Variants in NUP205 observed in about 807,000 individuals in gnomAD.
NUP205 encodes the protein nuclear pore complex protein Nup205.
A neutral mutation model predicts 253.8 loss-of-function variants in NUP205; 76 were observed. The ratio of observed to expected loss-of-function variants is 0.30; its 90% CI spans 0.25 to 0.36. The LOEUF is 0.36. NUP205 is among the 10% of genes least tolerant of loss of function. The pLI is 1.00. For synonymous variants in NUP205, 832 were observed against 850.1 expected (o/e 0.98, Z 0.37); for missense variants, 2,162 against 2,425.5 (o/e 0.89, Z 2.28).
intron 38 of NUP205, among the ~76,000 whole-genome samples, chr7:135,640,950 A>G (rs1022339572): frequency 6.6e-6 from 1 of 152,134 alleles, no homozygotes; most frequent in African/African-American, 2.4e-5. Context: ...CTGTAATCCC[A>G]GTTACTCAGG....
At chr7:135,567,128 GTATATATATATATATATATATA>G (rs1163648935) in intron 1 of NUP205, among the ~76,000 whole-genome samples, 6 of 7,228 alleles carry the variant, frequency 8.3e-4, no homozygotes, top group African/African-American at 2.9e-3. Context: ...GTCTATGTGT[GTATATATATATATATATATATA>G]TATATATATA....
intron 15 of NUP205, among the ~76,000 whole-genome samples, chr7:135,599,061 TGA>T (rs1793910228): frequency 1.3e-5 from 2 of 152,218 alleles, no homozygotes; most frequent in African/African-American, 2.4e-5. Context: ...TATATATATA[TGA>T]AGAAATTATA....
rs76245965 is a variant in NUP205 at position 135,589,979 on chromosome 7, C to G, written c.1474-1471C>G. Among the ~76,000 whole-genome samples, 470 of 151,074 alleles carry G rather than the reference C, an allele frequency of 3.1e-3. 15 individuals are homozygous for G. In the East Asian group the frequency reaches 0.052, roughly 17 times the overall value. ...AAAATTTTTAAAGTTTTTAAGAAAG[C>G]TAGCAGTAATGAAAAATTTGAAACA... On this transcript the variant is annotated intron_variant, in intron 10 of 42. Transcript: ENST00000285968.
chr7:135,635,124 A>G (rs1326950416), intron 35 of NUP205, among the ~76,000 whole-genome samples: 1 of 152,210 alleles, frequency 6.6e-6, no homozygotes, highest in Non-Finnish European at 1.5e-5. Context: ...AACGGGTCCA[A>G]ACTAAGAAGT....
chr7:135,616,562 G>T (rs768597992), intron 24 of NUP205, 93 bp from the exon 25 acceptor site: 50 of 671,550 alleles, frequency 7.4e-5, no homozygotes, highest in Non-Finnish European at 1.1e-4. Flanking sequence ...CAATGACCTA[G>T]AAATAAGATA....
intron 13 of NUP205, among the ~76,000 whole-genome samples, chr7:135,595,623 G>C (rs1352332618): frequency 6.6e-6 from 1 of 152,126 alleles, no homozygotes; most frequent in African/African-American, 2.4e-5. Context: ...ATGGGAATGT[G>C]ACAGTTGGAT....
intron 1 of NUP205, among the ~76,000 whole-genome samples, chr7:135,568,148 A>C (rs1019406651): frequency 1.3e-5 from 2 of 151,962 alleles, no homozygotes; most frequent in African/African-American, 4.8e-5. Flanking sequence ...ACTTGAACTC[A>C]GGAGGTGAAA....
rs755778833 is a variant in NUP205, at chr7:135,617,174, G to A, written c.3617G>A (p.Arg1206Gln). The A allele has an allele frequency of 3.0e-5, 48 of 1,613,414 alleles. No homozygotes were observed. Among genetic ancestry groups the A allele is most frequent in the Admixed American group, 2.5e-4 (15 of 59,950 alleles). The change falls in exon 26 of 43, where the codon CGG becomes CAG. Residue 1206 changes from arginine to glutamine, a missense_variant. This residue lies in a region of NUP205 where 1,144 missense variants were observed against 1,280.9 expected (regional missense o/e 0.89). Transcript: ENST00000285968. ...CCTTTGCAGTTGGATTTTTTTGATCGGGCCCAGATTGAACAAGTTATTGCT... is the reference window on the plus strand; with the variant it reads ...CCTTTGCAGTTGGATTTTTTTGATCAGGCCCAGATTGAACAAGTTATTGCT... The part of the protein sequence containing the change: ...PEPLQLDFFD[R>Q]AQIEQVIANC...
chr7:135,647,793 CAGGT>C (rs1795037769), intron 42 of NUP205, among the ~76,000 whole-genome samples: 1 of 147,086 alleles, frequency 6.8e-6, no homozygotes, highest in Non-Finnish European at 1.5e-5. Flanking sequence ...AAACTGAAAA[CAGGT>C]AGATTGATCT....
chr7:135,599,835 G>A (rs765194618), intron 15 of NUP205, among the ~76,000 whole-genome samples: 3 of 152,024 alleles, frequency 2.0e-5, no homozygotes, highest in Non-Finnish European at 4.4e-5. Flanking sequence ...GACTATTTTA[G>A]GACACTAGCT....
chr7:135,580,729 C>T (rs1806281624), intron 7 of NUP205, among the ~76,000 whole-genome samples: 1 of 152,122 alleles, frequency 6.6e-6, no homozygotes, highest in Non-Finnish European at 1.5e-5. Flanking sequence ...TCCCAAAGTG[C>T]TGGGATTACA....
intron 22 of NUP205, among the ~76,000 whole-genome samples, chr7:135,612,890 CTT>C (rs924170114): frequency 6.6e-6 from 1 of 152,128 alleles, no homozygotes; most frequent in African/African-American, 2.4e-5. Context: ...ATAAACATGT[CTT>C]AAAGTGCCTG....
At position 135,573,746 on chromosome 7, in the gene NUP205, A is replaced by G. The variant is rs758103052; in HGVS notation, c.264A>G (p.Glu88=). Residue 88 remains glutamate (E), a synonymous_variant, in exon 3 of 43, where the codon GAA becomes GAG. Coordinates refer to ENST00000285968, the MANE Select transcript of NUP205 (RefSeq NM_015135.3). The part of the protein sequence containing the change: ...QGQQGTRLLP[E]QLIKEAFILS... ...AACAGGGAACTCGACTTCTTCCTGA[A>G]CAGCTCATTAAAGAAGCCTTTATTC... is the stretch of plus-strand genomic sequence containing the variant. 26 of 1,613,926 alleles carry G rather than the reference A, an allele frequency of 1.6e-5. No homozygotes were observed. The highest frequency in any genetic ancestry group is 1.3e-4 in the South Asian group (12 of 91,086).
At chr7:135,589,594 C>T (rs1806568471) in intron 10 of NUP205, among the ~76,000 whole-genome samples, 1 of 151,184 alleles carries the variant, frequency 6.6e-6, no homozygotes, top group Non-Finnish European at 1.5e-5. Flanking sequence ...GGCCCAGATG[C>T]CACTTTTTAA....
chr7:135,561,865 T>G (rs1301247172), intron 1 of NUP205, among the ~76,000 whole-genome samples: 1 of 152,142 alleles, frequency 6.6e-6, no homozygotes, highest in Non-Finnish European at 1.5e-5. Flanking sequence ...AAAAGATTTG[T>G]TAGTATTCAT....
At chr7:135,639,298 A>G (rs1336497406) in intron 38 of NUP205, among the ~76,000 whole-genome samples, 1 of 152,162 alleles carries the variant, frequency 6.6e-6, no homozygotes, top group Non-Finnish European at 1.5e-5. Context: ...ATTTTGTCAC[A>G]TTTTCATCTT....
intron 28 of NUP205, 82 bp from the exon 29 acceptor site, chr7:135,619,341 T>TC: frequency 1.4e-6 from 2 of 1,401,352 alleles, no homozygotes. Flanking sequence ...GACCCTGTCT[T>TC]CAAAAAAAAA....
chr7:135,594,658 A>G lies in NUP205; in HGVS notation c.1942A>G (p.Lys648Glu). 6.2e-7 allele frequency: 1 copy of G among 1,613,848 alleles called. No homozygotes were observed. The highest frequency in any genetic ancestry group is 8.5e-7 in the Non-Finnish European group (1 of 1,179,884). Reference protein sequence around the residue: ...IPPVLKAELLKTLAAFGKSPE... With the variant: ...IPPVLKAELLETLAAFGKSPE... ...CCCTGTCCTAAAAGCTGAGCTACTG[A>G]AGACACTCGCAGCTTTTGGAAAATC... Residue 648 changes from lysine to glutamate, a missense_variant, in exon 13 of 43, where the codon AAG becomes GAG. Coordinates refer to ENST00000285968, the MANE Select transcript of NUP205 (RefSeq NM_015135.3).
In NUP205 at chr7:135,570,029, T is replaced by TTATATA. The variant is rs145414092; in HGVS notation, c.29-1057_29-1052dup. ...CTTTGAAGCAGATGGTGTTTATGTTTTATATATATATATATATATATATAG... is the reference window on the plus strand; with the variant it reads ...CTTTGAAGCAGATGGTGTTTATGTTTTATATATATATATATATATATATATATATAG... On this transcript the variant is annotated intron_variant, in intron 1 of 42. Transcript: ENST00000285968. Among the ~76,000 whole-genome samples, 157 of 98,550 alleles carry TTATATA rather than the reference T, an allele frequency of 1.6e-3. 1 individual carries two copies. The highest frequency in any genetic ancestry group is 4.0e-3 in the East Asian group (13 of 3,234). The allele number at this position is 98,550 out of a possible 152,430, so 64.7% of individuals were successfully genotyped here.
Sources: allele counts gnomAD v4.1 joint callset (sites outside exome capture counted in the v4.1 genomes callset), GRCh38; gene constraint gnomAD v4.1.1; regional missense constraint gnomAD v4.1.1; transcripts MANE v1.5; gene names NCBI Gene and HGNC (gene_info 2026-07-23, HGNC 2026-07-21).